The following WIPF3 variants were observed in gnomAD, a reference collection of about 807,000 sequenced individuals.
The protein encoded by WIPF3 is WAS/WASL-interacting protein family member 3.
A neutral mutation model predicts 38.9 loss-of-function variants in WIPF3; 33 were observed. The observed-to-expected ratio is 0.85, with a 90% CI of 0.64 to 1.14. The LOEUF is 1.14. Ranked by LOEUF, WIPF3 falls within the 50% of genes most tolerant of loss-of-function variation. The pLI is 0.00. For synonymous variants in WIPF3, 324 were observed against 269.3 expected (o/e 1.20, Z -1.99); for missense variants, 711 against 652.5 (o/e 1.09, Z -0.98).
rs11358990 is a variant in WIPF3, at chr7:29,903,700, G to GA, written c.1352-575dup. 4.9e-3 allele frequency among the ~76,000 whole-genome samples: 741 copies of GA among 150,712 alleles called. 16 individuals carry two copies. In the East Asian group the frequency reaches 0.058, roughly 12 times the overall value. ...GATGTATGTATGGAAATACCAAAAA[G>GA]AAAAAAAAAAATTGAAGAGATAAAC... On this transcript the variant is annotated intron_variant, in intron 7 of 8. Coordinates refer to ENST00000242140, the MANE Select transcript of WIPF3 (RefSeq NM_001080529.3).
Position 29,884,361 on chromosome 7 carries a change from T to G in WIPF3, c.867T>G (p.Pro289=). Residue 289 remains proline, a synonymous_variant, in exon 5 of 9, where the codon CCT becomes CCG. Coordinates refer to ENST00000242140, the MANE Select transcript of WIPF3 (RefSeq NM_001080529.3). ...PASPAQDAQE[P]PAPPPPLPPY... ...GCCCTGCGCAAGATGCGCAGGAGCC[T>G]CCCGCCCCGCCGCCCCCGCTCCCCC... 7 of 1,317,826 alleles carry G rather than the reference T, an allele frequency of 5.3e-6. No homozygotes were observed. Among genetic ancestry groups the G allele is most frequent in the Non-Finnish European group, 5.9e-6 (6 of 1,017,872 alleles). 81.6% of individuals were successfully genotyped at this position (1,317,826 alleles called of 1,614,324 possible).
rs577933241 is a variant in WIPF3, at chr7:29,916,978, A to G, written c.*2462A>G. 3.3e-5 allele frequency: 5 copies of G among 152,228 alleles called. No individual in the cohort carries two copies. Among genetic ancestry groups the G allele is most frequent in the African/African-American group, 7.2e-5 (3 of 41,532 alleles). The allele number at this position is 152,228 out of a possible 1,614,324, so 9.4% of individuals were successfully genotyped here. ...GACACTGCAGTCTGTGACTCCTCCA[A>G]TGTTTCACGTGTATTTTATATTTAT... On this transcript the variant is annotated 3_prime_UTR_variant, in exon 9 of 9. Transcript: ENST00000242140.
chr7:29,855,149 T>G (rs1002750431), intron 2 of WIPF3, among the ~76,000 whole-genome samples: 1 of 152,192 alleles, frequency 6.6e-6, no homozygotes, highest in Admixed American at 6.5e-5. Context: ...GAAAGGCTTT[T>G]AGGGGTAAAC....
intron 1 of WIPF3, among the ~76,000 whole-genome samples, chr7:29,825,381 C>G (rs988529706): frequency 2.0e-5 from 3 of 152,138 alleles, no homozygotes; most frequent in African/African-American, 7.2e-5. Context: ...CTTTTTTATG[C>G]TTAAGGTTTA....
chr7:29,859,097 T>G (rs1785234247), intron 2 of WIPF3, among the ~76,000 whole-genome samples: 1 of 152,120 alleles, frequency 6.6e-6, no homozygotes, highest in African/African-American at 2.4e-5. Context: ...AGGGAGCTGT[T>G]TTTGGGGAAA....
intron 1 of WIPF3, among the ~76,000 whole-genome samples, chr7:29,822,118 T>G (rs1207449665): frequency 2.1e-5 from 3 of 140,230 alleles, no homozygotes; most frequent in Admixed American, 8.2e-5. Context: ...CTTACTTTTT[T>G]CTTAGTTTTT....
chr7:29,816,560 C>T (rs1356837963), intron 1 of WIPF3, among the ~76,000 whole-genome samples: 1 of 150,302 alleles, frequency 6.7e-6, no homozygotes, highest in Non-Finnish European at 1.5e-5. Context: ...AATGTTAGGC[C>T]TCAAGTAATC....
At chr7:29,904,444 C>T (rs2128080753) in intron 8 of WIPF3, 82 bp downstream of exon 8, 2 of 1,410,556 alleles carry the variant, frequency 1.4e-6, no homozygotes, top group East Asian at 4.7e-5. Context: ...ATGCTTTCTC[C>T]TAAACAGCTT....
At chr7:29,902,371 A>G (rs1786305433) in intron 7 of WIPF3, among the ~76,000 whole-genome samples, 1 of 151,158 alleles carries the variant, frequency 6.6e-6, no homozygotes, top group Non-Finnish European at 1.5e-5. Flanking sequence ...ATTCTAGGAC[A>G]AGTGCACTCA....
intron 2 of WIPF3, among the ~76,000 whole-genome samples, chr7:29,868,334 T>A (rs1239036920): frequency 1.3e-5 from 2 of 152,054 alleles, no homozygotes; most frequent in African/African-American, 4.8e-5. Flanking sequence ...AGGAAAGATA[T>A]CTTGGGACAG....
chr7:29,890,958 T>C (rs1439220298), intron 7 of WIPF3, among the ~76,000 whole-genome samples: 1 of 118,168 alleles, frequency 8.5e-6, no homozygotes, highest in Non-Finnish European at 1.8e-5. Context: ...GGCGCGGGCC[T>C]GCCCTGTGCT....
At position 29,878,438 on chromosome 7, in the gene WIPF3, T is replaced by C. The variant is rs549352869; in HGVS notation, c.224-571T>C. On this transcript the variant is annotated intron_variant, in intron 3 of 8. Coordinates refer to ENST00000242140, the MANE Select transcript of WIPF3 (RefSeq NM_001080529.3). This position sits in a 1 kb window ranked among gnomAD's most constrained non-coding sequence, Gnocchi z 4.0. Reference sequence around the variant, plus strand: ...TCCTCAGGGGCTCATGATCTTTCCGTTCCATAGATGAAAAGGTGCAGGGAG... The same window carrying C: ...TCCTCAGGGGCTCATGATCTTTCCGCTCCATAGATGAAAAGGTGCAGGGAG... Among the ~76,000 whole-genome samples, 315 of 152,254 alleles carry C rather than the reference T, an allele frequency of 2.1e-3. 2 individuals carry two copies. The highest frequency in any genetic ancestry group is 7.3e-3 in the African/African-American group (302 of 41,548).
Position 29,890,852 on chromosome 7 carries a change from G to A in WIPF3, c.1351+1445G>A, listed in dbSNP as rs55913014. ...ACCTGCCCTGTGCTCAGGTGGAGGG[G>A]ATGTGGGCCTGCCCTGTGCTCAGGT... On this transcript the variant is annotated intron_variant, in intron 7 of 8. Coordinates refer to ENST00000242140, the MANE Select transcript of WIPF3 (RefSeq NM_001080529.3). Among the ~76,000 whole-genome samples, 506 of 138,804 alleles carry A rather than the reference G, an allele frequency of 3.6e-3. 5 individuals carry two copies. The highest frequency in any genetic ancestry group is 4.9e-3 in the Non-Finnish European group (315 of 64,166). 91.1% of individuals were successfully genotyped at this position (138,804 alleles called of 152,430 possible).
intron 7 of WIPF3, among the ~76,000 whole-genome samples, chr7:29,902,463 A>G (rs10155964): frequency 0.032 from 4,840 of 152,108 alleles, 97 homozygotes; most frequent in Middle Eastern, 0.1. Context: ...TGATAGTCCA[A>G]TTTAAAAAAT....
At chr7:29,832,756 T>C (rs1007699440) in intron 1 of WIPF3, among the ~76,000 whole-genome samples, 46 of 152,206 alleles carry the variant, frequency 3.0e-4, no homozygotes, top group African/African-American at 1.1e-3. Context: ...TTTTCAATTT[T>C]TGTACAAATT....
At chr7:29,845,518 A>C (rs1784986243) in intron 2 of WIPF3, among the ~76,000 whole-genome samples, 1 of 152,258 alleles carries the variant, frequency 6.6e-6, no homozygotes, top group Admixed American at 6.5e-5. Context: ...TCTTATTCCT[A>C]GACTAAAACT....
At position 29,907,276 on chromosome 7, in the gene WIPF3, GAC is replaced by G. The variant is rs1331815576; in HGVS notation, c.1428+2915_1428+2916del. Among the ~76,000 whole-genome samples, 57 of 152,246 alleles carry G rather than the reference GAC, an allele frequency of 3.7e-4. 1 individual carries two copies. Among genetic ancestry groups the G allele is most frequent in the Middle Eastern group, 3.4e-3 (1 of 294 alleles). ...ATTTAGGGTTATACATAATTTAAGA[GAC>G]TAGTGTATTTAAAAGACTTATTAAT... On this transcript the variant is annotated intron_variant, in intron 8 of 8. Coordinates refer to ENST00000242140, the MANE Select transcript of WIPF3 (RefSeq NM_001080529.3).
chr7:29,878,855 G>A lies in WIPF3; in HGVS notation c.224-154G>A, dbSNP rs1290194284. 1.3e-5 allele frequency among the ~76,000 whole-genome samples: 2 copies of A among 152,172 alleles called. No homozygotes were observed. The highest frequency in any genetic ancestry group is 2.9e-5 in the Non-Finnish European group (2 of 68,040). On this transcript the variant is annotated intron_variant, in intron 3 of 8. Coordinates refer to ENST00000242140, the MANE Select transcript of WIPF3 (RefSeq NM_001080529.3). This position sits in a 1 kb window ranked among gnomAD's most constrained non-coding sequence, Gnocchi z 4.0. ...GGGTATCAAGGCAGAGGGTGCTTGG[G>A]GAGGATGCTGAGTGAAAGGATGACA...
intron 2 of WIPF3, among the ~76,000 whole-genome samples, chr7:29,860,587 T>C (rs975330324): frequency 1.3e-5 from 2 of 152,182 alleles, no homozygotes; most frequent in African/African-American, 4.8e-5. Flanking sequence ...ACCTCTCTTT[T>C]CTTCATAAAT....
Sources: gnomAD v4.1 joint callset for allele counts (sites outside exome capture counted in the v4.1 genomes callset) on GRCh38, gnomAD v4.1.1 for gene constraint, Gnocchi (gnomAD v3.1) non-coding constraint, MANE v1.5 for transcripts, NCBI Gene and HGNC (gene_info 2026-07-23, HGNC 2026-07-21) for gene names.